Variants in RNF111 observed in about 807,000 individuals in gnomAD.
RNF111 encodes the protein ring finger protein 111.
RNF111 carries 17 observed loss-of-function variants against 95.1 expected under a neutral mutation model. The ratio of observed to expected loss-of-function variants is 0.18; its 90% CI spans 0.12 to 0.27. The LOEUF (loss-of-function observed/expected upper bound fraction) is 0.27. Among genes scored for constraint, RNF111 ranks in the 10% least tolerant of loss-of-function variants. The probability of loss-of-function intolerance (pLI) is 1.00; values close to 1 mark genes in which losing one functional copy is unlikely to be tolerated. For synonymous variants in RNF111, 440 were observed against 414.8 expected (o/e 1.06, Z -0.74); for missense variants, 1,189 against 1,210.4 (o/e 0.98, Z 0.26).
intron 1 of RNF111, among the ~76,000 whole-genome samples, chr15:59,029,171 T>G (rs2040779105): frequency 6.7e-6 from 1 of 149,118 alleles, no homozygotes. Context: ...GGTTCCAATG[T>G]TTTTTTTTTA....
intron 7 of RNF111, among the ~76,000 whole-genome samples, chr15:59,078,242 T>C (rs762182425): frequency 1.6e-4 from 25 of 152,238 alleles, no homozygotes; most frequent in Non-Finnish European, 3.5e-4. Flanking sequence ...CATTTATATG[T>C]ATAACAACAA....
In RNF111 at chr15:58,987,908, T is replaced by C. The variant is rs1414732078; in HGVS notation, c.-180T>C. On this transcript the variant is annotated 5_prime_UTR_variant, in exon 1 of 14. Transcript: ENST00000348370. ...GCCGCACGTACAGTTTTGGTGGCGG[T>C]GACAGACACTGTTCTTGACTCTAGG... 1 of 153,238 alleles carries C rather than the reference T, an allele frequency of 6.5e-6. No homozygotes were observed. Among genetic ancestry groups the C allele is most frequent in the Non-Finnish European group, 1.5e-5 (1 of 68,574 alleles). 9.5% of individuals were successfully genotyped at this position (153,238 alleles called of 1,614,324 possible).
At chr15:59,073,518 C>CG (rs2043035091) in intron 6 of RNF111, among the ~76,000 whole-genome samples, 1 of 152,034 alleles carries the variant, frequency 6.6e-6, no homozygotes, top group Non-Finnish European at 1.5e-5. Flanking sequence ...TTTCTTTGCT[C>CG]CTCCGTCAGA....
intron 7 of RNF111, among the ~76,000 whole-genome samples, chr15:59,078,962 A>C (rs1321246926): frequency 6.6e-6 from 1 of 152,222 alleles, no homozygotes. Flanking sequence ...TGCAGTGAGT[A>C]AATGTTGGAA....
At position 59,091,056 on chromosome 15, in the gene RNF111, C is replaced by T. The variant is rs1208538580; in HGVS notation, c.2644-3C>T. On this transcript the variant is annotated splice_region_variant and splice_polypyrimidine_tract_variant and intron_variant, in intron 11 of 13. Coordinates refer to ENST00000348370, the MANE Select transcript of RNF111 (RefSeq NM_017610.8). ...TACCAGTCATTATATTCTTCACTTT[C>T]AGGAACTGATTCATTTGGAAGAAAG... 4 of 1,586,656 alleles carry T rather than the reference C, an allele frequency of 2.5e-6. No homozygotes were observed. Among genetic ancestry groups the T allele is most frequent in the African/African-American group, 2.7e-5 (2 of 74,310 alleles).
chr15:59,049,634 G>C (rs1431454755), intron 2 of RNF111: 2 of 154,538 alleles, frequency 1.3e-5, no homozygotes, highest in African/African-American at 4.9e-5. Context: ...AATTTCGTTT[G>C]TTACAGCATT....
rs1555398688 is a variant in RNF111 at position 59,070,059 on chromosome 15, T to TTA, written c.1686+2976_1686+2977insTA. On this transcript the variant is annotated intron_variant, in intron 6 of 13. Transcript: ENST00000348370. ...TTTTTTTTTTTTTTTTTTTTTTTTT[T>TTA]AGAGAGGATCTTGCCTTGTTTCTCA... Among the ~76,000 whole-genome samples, 19 of 100,698 alleles carry TTA rather than the reference T, an allele frequency of 1.9e-4. 2 individuals carry two copies. The highest frequency in any genetic ancestry group is 3.2e-4 in the Non-Finnish European group (16 of 49,592). The allele number at this position is 100,698 out of a possible 152,430, so 66.1% of individuals were successfully genotyped here.
intron 1 of RNF111, among the ~76,000 whole-genome samples, chr15:59,012,522 T>C (rs1258696605): frequency 6.6e-6 from 1 of 152,188 alleles, no homozygotes; most frequent in Non-Finnish European, 1.5e-5. Context: ...TAATGCATGA[T>C]TGCTGAACAT....
intron 8 of RNF111, among the ~76,000 whole-genome samples, chr15:59,082,997 A>G (rs1467761735): frequency 6.6e-6 from 1 of 152,180 alleles, no homozygotes; most frequent in Non-Finnish European, 1.5e-5. Context: ...ATAAAAATGA[A>G]TCTTAGCTGG....
intron 1 of RNF111, among the ~76,000 whole-genome samples, chr15:59,011,816 A>C (rs1188899921): frequency 1.3e-5 from 2 of 152,140 alleles, no homozygotes. Context: ...TAGGACTTCA[A>C]CGTATGAATT....
chr15:59,035,275 C>A (rs2041120294), intron 2 of RNF111, among the ~76,000 whole-genome samples: 2 of 152,120 alleles, frequency 1.3e-5, no homozygotes, highest in Admixed American at 6.5e-5. Context: ...ATCATTCTGC[C>A]CCTGCCGCTT....
chr15:58,995,647 G>A (rs2039033543), intron 1 of RNF111, among the ~76,000 whole-genome samples: 2 of 151,780 alleles, frequency 1.3e-5, no homozygotes, highest in South Asian at 2.1e-4. Context: ...TAGTAGAGAC[G>A]GGGTTTCACC....
chr15:58,998,047 G>C (rs2039159403), intron 1 of RNF111, among the ~76,000 whole-genome samples: 1 of 151,588 alleles, frequency 6.6e-6, no homozygotes, highest in Non-Finnish European at 1.5e-5. Flanking sequence ...TGGGATTACA[G>C]GCCCGTGCCA....
chr15:58,991,573 T>C (rs186711648), intron 1 of RNF111, among the ~76,000 whole-genome samples: 1 of 152,276 alleles, frequency 6.6e-6, no homozygotes. Flanking sequence ...ATTGAGTGGT[T>C]AGGGAGGGCC....
chr15:59,025,932 G>C (rs2040583834), intron 1 of RNF111, among the ~76,000 whole-genome samples: 1 of 151,846 alleles, frequency 6.6e-6, no homozygotes, highest in Non-Finnish European at 1.5e-5. Flanking sequence ...TTTTTTCCAT[G>C]TTGGTCAGGC....
intron 8 of RNF111, 33 bp from the exon 9 acceptor site, chr15:59,084,096 T>A (rs376094869): frequency 6.5e-7 from 1 of 1,549,798 alleles, no homozygotes; most frequent in African/African-American, 1.4e-5. Flanking sequence ...ATTCAATTAT[T>A]TCCAGTGGTC....
At chr15:59,046,393 ATGTTACCCAG>A (rs2041711063) in intron 2 of RNF111, among the ~76,000 whole-genome samples, 1 of 152,116 alleles carries the variant, frequency 6.6e-6, no homozygotes, top group East Asian at 1.9e-4. Context: ...AGGTTTCACC[ATGTTACCCAG>A]GCTGGTCTCG....
intron 5 of RNF111, among the ~76,000 whole-genome samples, chr15:59,062,681 C>T (rs1170478803): frequency 2.6e-5 from 4 of 152,086 alleles, no homozygotes; most frequent in Non-Finnish European, 5.9e-5. Flanking sequence ...TTTACAGTAA[C>T]CAGTAAGGCA....
At chr15:59,023,450 A>C (rs979035905) in intron 1 of RNF111, among the ~76,000 whole-genome samples, 2 of 152,038 alleles carry the variant, frequency 1.3e-5, no homozygotes, top group Non-Finnish European at 2.9e-5. Context: ...TGTAAGTAGT[A>C]TATTTTTGTT....
Sources: allele counts gnomAD v4.1 joint callset (sites outside exome capture counted in the v4.1 genomes callset), GRCh38; gene constraint gnomAD v4.1.1; transcripts MANE v1.5; gene names NCBI Gene and HGNC (gene_info 2026-07-23, HGNC 2026-07-21).